Variants in P3H2 observed in about 807,000 individuals in gnomAD.
P3H2 encodes the protein prolyl 3-hydroxylase 2, also known as leprecan-like 1.
In P3H2, 80 loss-of-function variants were observed where a neutral mutation model predicts 87.0. The ratio of observed to expected loss-of-function variants is 0.92; its 90% CI spans 0.77 to 1.11. The LOEUF (loss-of-function observed/expected upper bound fraction) is 1.11, where lower values mean the gene tolerates loss of function less well. P3H2 is among the 50% of genes least tolerant of loss of function. The pLI is 0.00. For synonymous variants in P3H2, 367 were observed against 359.3 expected (o/e 1.02, Z -0.24); for missense variants, 1,001 against 923.9 (o/e 1.08, Z -1.08).
intron 1 of P3H2, among the ~76,000 whole-genome samples, chr3:190,034,977 T>C (rs777825464): frequency 9.2e-5 from 14 of 151,382 alleles, no homozygotes; most frequent in Non-Finnish European, 1.8e-4. Context: ...GCCTCCTGAG[T>C]CGCTGGGATT....
At chr3:189,963,058 C>T (rs1200318716) in intron 14 of P3H2, among the ~76,000 whole-genome samples, 4 of 152,154 alleles carry the variant, frequency 2.6e-5, no homozygotes, top group African/African-American at 7.2e-5. Flanking sequence ...CCAAAGCAGA[C>T]AATTCTGCCA....
intron 1 of P3H2, among the ~76,000 whole-genome samples, chr3:190,009,111 A>G (rs1352255012): frequency 6.6e-6 from 1 of 152,156 alleles, no homozygotes; most frequent in Non-Finnish European, 1.5e-5. Context: ...TAAGACACAG[A>G]GGAAAAGCGT....
intron 1 of P3H2, among the ~76,000 whole-genome samples, chr3:190,064,901 A>G (rs1365836996): frequency 2.0e-5 from 3 of 152,114 alleles, no homozygotes; most frequent in African/African-American, 7.2e-5. Flanking sequence ...AATGTAAAGC[A>G]GCTTCCTTAG....
At chr3:190,076,553 C>T (rs544949535) in intron 1 of P3H2, among the ~76,000 whole-genome samples, 2 of 152,274 alleles carry the variant, frequency 1.3e-5, no homozygotes, top group African/African-American at 4.8e-5. Flanking sequence ...TCCCAGCATC[C>T]ATGTGCTTTA....
chr3:190,006,973 T>C (rs1724407163), intron 1 of P3H2, among the ~76,000 whole-genome samples: 1 of 152,234 alleles, frequency 6.6e-6, no homozygotes, highest in Admixed American at 6.5e-5. Flanking sequence ...ATCTATGCAT[T>C]ATCTATATGT....
At chr3:189,961,389 TG>T (rs1722806395) in intron 14 of P3H2, among the ~76,000 whole-genome samples, 1 of 152,204 alleles carries the variant, frequency 6.6e-6, no homozygotes, top group Non-Finnish European at 1.5e-5. Context: ...CGAACATCCT[TG>T]CATCCTTAAA....
rs2108924675 is a variant in P3H2, at chr3:189,995,275, G to T, written c.633+15C>A. 2 of 1,613,606 alleles carry T rather than the reference G, an allele frequency of 1.2e-6. No homozygotes were observed. The highest frequency in any genetic ancestry group is 8.5e-7 in the Non-Finnish European group (1 of 1,179,626). On this transcript the variant is annotated intron_variant, in intron 2 of 14. Coordinates refer to ENST00000319332, the MANE Select transcript of P3H2 (RefSeq NM_018192.4). ...TTAGCTCCCTGTGGTGAGGGCAGGG[G>T]CCCACAGAGCTTACCATGTGTGGCT... is the stretch of plus-strand genomic sequence containing the variant.
rs183732333 is a variant in P3H2 at position 189,994,133 on chromosome 3, A to T, written c.784T>A (p.Tyr262Asn). The part of the protein sequence containing the change: ...EGPQRFEEYE[Y>N]LGYKAGLYEA... ...TACAGACCAGCCTTATACCCTAAAT[A>T]CTCATATTCTTCAAATCTCTGAGGC... The change falls in exon 3 of 15, where the codon TAT becomes AAT. Residue 262 changes from tyrosine to asparagine, a missense_variant. Transcript: ENST00000319332. 3.5e-5 allele frequency: 57 copies of T among 1,613,594 alleles called. 1 individual carries two copies. The Admixed American group carries it at 8.2e-4, about 23-fold the overall frequency.
intron 1 of P3H2, among the ~76,000 whole-genome samples, chr3:190,002,674 C>T (rs992751991): frequency 1.3e-5 from 2 of 152,206 alleles, no homozygotes; most frequent in Non-Finnish European, 2.9e-5. Flanking sequence ...GCTGGGATTA[C>T]AGGCGTGAGC....
intron 8 of P3H2, among the ~76,000 whole-genome samples, chr3:189,978,882 T>C (rs2108913043): frequency 6.6e-6 from 1 of 152,306 alleles, no homozygotes; most frequent in South Asian, 2.1e-4. Context: ...CTTCAGCCAA[T>C]TCTTAACCAC....
chr3:190,091,205 G>A (rs1727398141), intron 1 of P3H2, among the ~76,000 whole-genome samples: 1 of 152,200 alleles, frequency 6.6e-6, no homozygotes. Context: ...TGGATTTGTG[G>A]AGACCATTTT....
chr3:190,088,260 G>A (rs1727292004), intron 1 of P3H2, among the ~76,000 whole-genome samples: 2 of 152,114 alleles, frequency 1.3e-5, no homozygotes, highest in Non-Finnish European at 2.9e-5. Flanking sequence ...ATATTATTAT[G>A]TACAATACAT....
intron 1 of P3H2, among the ~76,000 whole-genome samples, chr3:189,998,353 T>A (rs936655903): frequency 3.9e-5 from 6 of 152,212 alleles, no homozygotes; most frequent in Non-Finnish European, 7.4e-5. Context: ...TTTTCCTACT[T>A]TATGCTTTGG....
intron 11 of P3H2, 134 bp from the exon 12 acceptor site, chr3:189,972,141 T>A (rs1723196616): frequency 1.4e-6 from 1 of 709,804 alleles, no homozygotes; most frequent in Non-Finnish European, 2.6e-6. Context: ...AAAGAACAGA[T>A]AAAAGAACAG....
At chr3:190,033,673 T>C (rs1725326808) in intron 1 of P3H2, among the ~76,000 whole-genome samples, 1 of 152,222 alleles carries the variant, frequency 6.6e-6, no homozygotes, top group Admixed American at 6.5e-5. Context: ...TGGCTGGTCC[T>C]GTAAACTTGG....
At chr3:190,064,837 AG>A (rs1726446453) in intron 1 of P3H2, among the ~76,000 whole-genome samples, 1 of 152,182 alleles carries the variant, frequency 6.6e-6, no homozygotes, top group Non-Finnish European at 1.5e-5. Flanking sequence ...AGAGGCTATA[AG>A]ATAAGCCTTC....
intron 1 of P3H2, among the ~76,000 whole-genome samples, chr3:190,023,752 C>A (rs1725004707): frequency 6.6e-6 from 1 of 152,144 alleles, no homozygotes; most frequent in South Asian, 2.1e-4. Flanking sequence ...TTGTGCAAGT[C>A]TACACTTGGA....
At chr3:190,076,133 T>A (rs1282697968) in intron 1 of P3H2, among the ~76,000 whole-genome samples, 1 of 151,316 alleles carries the variant, frequency 6.6e-6, no homozygotes, top group East Asian at 1.9e-4. Flanking sequence ...GCAGTGGTGA[T>A]TTCCAGCCAT....
intron 1 of P3H2, among the ~76,000 whole-genome samples, chr3:189,998,365 T>C (rs1724111974): frequency 6.6e-6 from 1 of 152,238 alleles, no homozygotes; most frequent in Non-Finnish European, 1.5e-5. Context: ...ATGCTTTGGC[T>C]CAGGATATTC....
Sources: allele counts gnomAD v4.1 joint callset (sites outside exome capture counted in the v4.1 genomes callset), GRCh38; gene constraint gnomAD v4.1.1; transcripts MANE v1.5; gene names NCBI Gene and HGNC (gene_info 2026-07-23, HGNC 2026-07-21).